GPCPD1: variants seen among roughly 807,000 people sequenced by gnomAD.
GPCPD1 encodes the protein glycerophosphocholine phosphodiesterase 1, also known as glycerophosphocholine phosphodiesterase GPCPD1.
In GPCPD1, 29 loss-of-function variants were observed where a neutral mutation model predicts 89.2. The observed-to-expected ratio is 0.33, with a 90% CI of 0.24 to 0.44. The LOEUF is 0.44. Ranked by LOEUF, GPCPD1 falls within the 20% of genes least tolerant of loss-of-function variation. The pLI, the probability that GPCPD1 is intolerant of heterozygous loss-of-function variation, is 1.00. For missense variants in GPCPD1, 594 were observed against 808.9 expected, an observed-to-expected ratio of 0.73 and a Z score of 3.22; for synonymous variants, 258 against 266.3, an observed-to-expected ratio of 0.97 and a Z score of 0.30.
intron 4 of GPCPD1, among the ~76,000 whole-genome samples, chr20:5,591,412 A>C (rs1419795809): frequency 6.6e-6 from 1 of 152,248 alleles, no homozygotes; most frequent in Non-Finnish European, 1.5e-5. Context: ...TTTATAGATG[A>C]GGAGGCTAAA....
In GPCPD1 at chr20:5,558,413, G is replaced by A. The variant is rs543128312; in HGVS notation, c.1668+271C>T. Among the ~76,000 whole-genome samples the A allele has an allele frequency of 1.0e-3, 159 of 152,096 alleles. 1 individual carries two copies. The highest frequency in any genetic ancestry group is 3.6e-3 in the African/African-American group (151 of 41,460). ...TAAAATGGGAATAATATTTTTAAAA[G>A]GCATACAGTCTGAACATTTTTAGAT... On this transcript the variant is annotated intron_variant, in intron 18 of 19. Coordinates refer to ENST00000379019, the MANE Select transcript of GPCPD1 (RefSeq NM_019593.5).
intron 17 of GPCPD1, 26 bp from the exon 18 acceptor site, chr20:5,558,845 C>T (rs1210128934): frequency 1.3e-6 from 2 of 1,505,710 alleles, no homozygotes; most frequent in Admixed American, 2.3e-5. Flanking sequence ...TTTAAAAATA[C>T]CTTTCAATGG....
Position 5,546,718 on chromosome 20 carries a change from C to A in GPCPD1, c.*943G>T, listed in dbSNP as rs1466013300. 2 of 152,546 alleles carry A rather than the reference C, an allele frequency of 1.3e-5. No homozygotes were observed. Among genetic ancestry groups the A allele is most frequent in the Admixed American group, 1.3e-4 (2 of 15,266 alleles). 9.4% of individuals were successfully genotyped at this position (152,546 alleles called of 1,614,324 possible). A position where few individuals can be genotyped will look rare whatever the true frequency, so the allele number is the denominator to read the frequency against. ...CACACGCACATACAAAACAAACCCA[C>A]AAAGCAACAGTGTGTAATAGGTAGT... On this transcript the variant is annotated 3_prime_UTR_variant, in exon 20 of 20. Transcript: ENST00000379019.
At chr20:5,594,295 CT>C (rs879723218) in intron 3 of GPCPD1, among the ~76,000 whole-genome samples, 91 of 146,136 alleles carry the variant, frequency 6.2e-4, no homozygotes, top group Middle Eastern at 3.5e-3. Context: ...CTCCAGGTAA[CT>C]TTTTTTTTTT....
At chr20:5,582,186 C>CA (rs1164754193) in intron 6 of GPCPD1, among the ~76,000 whole-genome samples, 2,455 of 36,264 alleles carry the variant, frequency 0.068, 609 homozygotes, top group East Asian at 0.11. Flanking sequence ...ACTCCCGTCT[C>CA]AAAAAAAAAA....
At chr20:5,600,846 C>T (rs1277480939) in intron 2 of GPCPD1, among the ~76,000 whole-genome samples, 5 of 150,326 alleles carry the variant, frequency 3.3e-5, no homozygotes, top group Non-Finnish European at 7.4e-5. Flanking sequence ...AAAAATTAGC[C>T]GGGTATGGTG....
chr20:5,565,892 A>C (rs1466180827), intron 14 of GPCPD1, among the ~76,000 whole-genome samples: 1 of 152,242 alleles, frequency 6.6e-6, no homozygotes, highest in Non-Finnish European at 1.5e-5. Flanking sequence ...AAAGTGGAAA[A>C]AATTAAAATA....
chr20:5,570,586 T>G (rs1337992086), intron 11 of GPCPD1, among the ~76,000 whole-genome samples: 5 of 152,196 alleles, frequency 3.3e-5, no homozygotes, highest in Non-Finnish European at 7.3e-5. Flanking sequence ...CACACATTGC[T>G]GCCCACTGCC....
intron 4 of GPCPD1, among the ~76,000 whole-genome samples, chr20:5,591,667 T>C (rs1979335055): frequency 1.3e-5 from 2 of 152,244 alleles, no homozygotes; most frequent in Admixed American, 6.5e-5. Flanking sequence ...TATTTGACAA[T>C]GTACAACTAG....
Position 5,558,674 on chromosome 20 carries a change from C to T in GPCPD1, c.1668+10G>A. 3 of 1,507,120 alleles carry T rather than the reference C, an allele frequency of 2.0e-6. No individual in the cohort carries two copies. The highest frequency in any genetic ancestry group is 2.7e-6 in the Non-Finnish European group (3 of 1,109,468). The allele number at this position is 1,507,120 out of a possible 1,614,324, so 93.4% of individuals were successfully genotyped here. On this transcript the variant is annotated intron_variant, in intron 18 of 19. Transcript: ENST00000379019. ...AACATTAAAAAGATAAAAATTCAAA[C>T]ATAACTTACCAGTAGATTTTCAAAC...
chr20:5,599,290 C>A (rs533334917), intron 2 of GPCPD1, among the ~76,000 whole-genome samples: 6 of 152,178 alleles, frequency 3.9e-5, no homozygotes, highest in African/African-American at 1.4e-4. Flanking sequence ...TGGCTCACAC[C>A]TGTAATCCCA....
intron 11 of GPCPD1, among the ~76,000 whole-genome samples, chr20:5,572,776 AAC>A (rs907934323): frequency 2.7e-5 from 4 of 149,666 alleles, no homozygotes; most frequent in African/African-American, 5.0e-5. Context: ...TGAAAATACT[AAC>A]AGCTAAAAAA....
At chr20:5,580,985 T>C (rs1312111348) in intron 6 of GPCPD1, among the ~76,000 whole-genome samples, 1 of 151,800 alleles carries the variant, frequency 6.6e-6, no homozygotes, top group Non-Finnish European at 1.5e-5. Flanking sequence ...GAGATTCTCA[T>C]GCCTCAGCCT....
chr20:5,584,563 A>G, intron 5 of GPCPD1: 1 of 261,102 alleles, frequency 3.8e-6, no homozygotes. Flanking sequence ...AAAGAAGAAA[A>G]AGAAAACTCT....
At chr20:5,593,994 C>A (rs567493013) in intron 3 of GPCPD1, among the ~76,000 whole-genome samples, 7 of 152,342 alleles carry the variant, frequency 4.6e-5, no homozygotes, top group African/African-American at 1.7e-4. Context: ...CTCAGACAAG[C>A]AGTCAGAACC....
At chr20:5,556,772 A>C (rs1002093889) in intron 19 of GPCPD1, among the ~76,000 whole-genome samples, 2 of 152,236 alleles carry the variant, frequency 1.3e-5, no homozygotes, top group African/African-American at 2.4e-5. Flanking sequence ...TGGATGCCCC[A>C]CATTGTTCTA....
At chr20:5,575,714 G>T in intron 9 of GPCPD1, 102 bp downstream of exon 9, 1 of 929,440 alleles carries the variant, frequency 1.1e-6, no homozygotes, top group Non-Finnish European at 1.7e-6. Flanking sequence ...TGATACTAAA[G>T]CAAATTATTA....
At position 5,547,751 on chromosome 20, in the gene GPCPD1, G is replaced by T; in HGVS notation, c.1929C>A (p.Pro643=). Residue 643 remains proline (P), a synonymous_variant, in exon 20 of 20, where the codon CCC becomes CCA. Coordinates refer to ENST00000379019, the MANE Select transcript of GPCPD1 (RefSeq NM_019593.5). The part of the protein sequence containing the change: ...ELPELKSCLC[P]TVSRFVPSSL... ...ATGAGGGAACAAAGCGGCTAACAGT[G>T]GGACACAAACAGCTCTTAAGCTCTG... 5 of 1,609,696 alleles carry T rather than the reference G, an allele frequency of 3.1e-6. No homozygotes were observed. Among genetic ancestry groups the T allele is most frequent in the Non-Finnish European group, 4.3e-6 (5 of 1,176,020 alleles).
At chr20:5,572,044 T>C (rs986719165) in intron 11 of GPCPD1, among the ~76,000 whole-genome samples, 1 of 151,970 alleles carries the variant, frequency 6.6e-6, no homozygotes, top group Non-Finnish European at 1.5e-5. Flanking sequence ...CATAGTGAGA[T>C]CCCGTCTCTA....
Sources: gnomAD v4.1 joint callset for allele counts (sites outside exome capture counted in the v4.1 genomes callset) on GRCh38, gnomAD v4.1.1 for gene constraint, MANE v1.5 for transcripts, NCBI Gene and HGNC (gene_info 2026-07-23, HGNC 2026-07-21) for gene names.